NHS: variants seen among roughly 807,000 people sequenced by gnomAD.
NHS encodes the protein actin remodeling regulator NHS.
A neutral mutation model predicts 72.5 loss-of-function variants in NHS; 5 were observed. That is an observed-to-expected ratio of 0.07 (90% CI 0.04 to 0.14). NHS has a LOEUF of 0.14. Ranked by LOEUF, NHS falls within the 10% of genes least tolerant of loss-of-function variation. The pLI is 1.00. For missense variants in NHS, 1,072 were observed against 1,355.7 expected (o/e 0.79, Z 3.29); for synonymous variants, 464 against 547.7 (o/e 0.85, Z 2.13).
intron 1 of NHS, among the ~76,000 whole-genome samples, chrX:17,447,407 C>T (rs748392451): frequency 1.0e-4 from 11 of 106,925 alleles, no homozygotes; most frequent in African/African-American, 3.8e-4. Flanking sequence ...TTTTTTTTTT[C>T]CCCCCTCTTT....
intron 1 of NHS, among the ~76,000 whole-genome samples, chrX:17,430,259 T>TTTTCTCTCTTTCTTTCTTTC (rs2064683590): frequency 1.9e-5 from 1 of 51,570 alleles, no homozygotes; most frequent in Non-Finnish European, 3.4e-5. Flanking sequence ...CCCTCTTTCT[T>TTTTCTCTCTTTCTTTCTTTC]TTTCTTTCTT....
chrX:17,474,712 G>T (rs887968644), intron 1 of NHS, among the ~76,000 whole-genome samples: 2 of 112,019 alleles, frequency 1.8e-5, no homozygotes, highest in African/African-American at 6.5e-5. Context: ...GCTTGGGTGA[G>T]GCAGCTCCTT....
In NHS at chrX:17,476,850, A is replaced by T. The variant is rs147263031; in HGVS notation, c.565+100528A>T. On this transcript the variant is annotated intron_variant, in intron 1 of 8. Coordinates refer to ENST00000676302, the MANE Select transcript of NHS (RefSeq NM_001291867.2). ...ACCTTCTACAGTCCTGGTTCAGGAA[A>T]ATTAGCCCGTAGGCTCAGAGATGCA... 6.6e-3 allele frequency among the ~76,000 whole-genome samples: 735 copies of T among 112,007 alleles called. 10 individuals are homozygous for T. The highest frequency in any genetic ancestry group is 0.023 in the African/African-American group (703 of 30,850).
At chrX:17,602,832 CA>C (rs1178740410) in intron 1 of NHS, among the ~76,000 whole-genome samples, 2 of 92,737 alleles carry the variant, frequency 2.2e-5, no homozygotes, top group African/African-American at 9.0e-5. Flanking sequence ...GGCACAACTA[CA>C]ATTTTTTTTT....
rs1324191392 is a variant in NHS at position 17,728,852 on chromosome X, G to A, written c.4349+77G>A. The A allele has an allele frequency of 6.5e-5, 74 of 1,131,279 alleles. No homozygotes were observed. The East Asian group carries it at 1.5e-3, about 23-fold the overall frequency. 93.2% of individuals were successfully genotyped at this position (1,131,279 alleles called of 1,213,427 possible). On this transcript the variant is annotated intron_variant, in intron 8 of 8. Coordinates refer to ENST00000676302, the MANE Select transcript of NHS (RefSeq NM_001291867.2). ...GCCCCTTCAGGTACTTCTCACAAATGCAAATACAGGAAAGCTTTTTGTAAT... is the reference window on the plus strand; with the variant it reads ...GCCCCTTCAGGTACTTCTCACAAATACAAATACAGGAAAGCTTTTTGTAAT...
At chrX:17,659,652 T>C (rs1164965391) in intron 1 of NHS, among the ~76,000 whole-genome samples, 2 of 112,112 alleles carry the variant, frequency 1.8e-5, no homozygotes, top group African/African-American at 6.5e-5. Flanking sequence ...TGTGTAGTCA[T>C]TAAAAGTGAC....
At chrX:17,557,170 A>G (rs1039463868) in intron 1 of NHS, 2 of 104,280 alleles carry the variant, frequency 1.9e-5, no homozygotes, top group African/African-American at 7.1e-5. Context: ...CTTTCTCTAA[A>G]GACAGAGAAG....
chrX:17,545,418 G>A (rs996011015), intron 1 of NHS, among the ~76,000 whole-genome samples: 6 of 111,987 alleles, frequency 5.4e-5, no homozygotes, highest in Admixed American at 9.5e-5. Context: ...CCGTTGGATC[G>A]TCTATACCTG....
At chrX:17,393,551 C>G (rs990884483) in intron 1 of NHS, among the ~76,000 whole-genome samples, 13 of 112,577 alleles carry the variant, frequency 1.2e-4, no homozygotes, top group African/African-American at 3.9e-4. Flanking sequence ...ACTGCTTCAG[C>G]TCTTCCTCTG....
chrX:17,671,554 G>C (rs1243071086), intron 1 of NHS, among the ~76,000 whole-genome samples: 1 of 112,580 alleles, frequency 8.9e-6, no homozygotes, highest in Admixed American at 9.4e-5. Flanking sequence ...TTAGTTCATA[G>C]AGGAAGCATT....
intron 1 of NHS, among the ~76,000 whole-genome samples, chrX:17,411,704 A>C (rs921263767): frequency 8.9e-6 from 1 of 111,966 alleles, no homozygotes; most frequent in Non-Finnish European, 1.9e-5. Flanking sequence ...ATAGAGGAAA[A>C]AATGAAATAT....
intron 1 of NHS, among the ~76,000 whole-genome samples, chrX:17,612,047 T>C (rs7067100): frequency 0.24 from 24,679 of 103,050 alleles, 7,150 homozygotes; most frequent in African/African-American, 0.79. Flanking sequence ...GATTGCCCCC[T>C]ACACCCCCAG....
chrX:17,549,281 A>G (rs1260635005), intron 1 of NHS, among the ~76,000 whole-genome samples: 1 of 110,926 alleles, frequency 9.0e-6, no homozygotes, highest in Admixed American at 9.6e-5. Flanking sequence ...TGTGGAAGGC[A>G]ACAAGCACTG....
chrX:17,534,385 A>G (rs1370531583), intron 1 of NHS, among the ~76,000 whole-genome samples: 1 of 111,123 alleles, frequency 9.0e-6, no homozygotes, highest in Non-Finnish European at 1.9e-5. Context: ...CCCCAGGCCT[A>G]TAGCTACCTT....
intron 1 of NHS, among the ~76,000 whole-genome samples, chrX:17,610,574 T>G (rs776331283): frequency 1.2e-4 from 14 of 112,034 alleles, no homozygotes; most frequent in Non-Finnish European, 2.3e-4. Context: ...GCTGCCATTA[T>G]GAAGACTTAA....
In NHS at chrX:17,410,942, T is replaced by C. The variant is rs191912409; in HGVS notation, c.565+34620T>C. Among the ~76,000 whole-genome samples the C allele has an allele frequency of 1.6e-4, 18 of 111,427 alleles. No homozygotes were observed. The East Asian group carries it at 4.5e-3, about 28-fold the overall frequency. On this transcript the variant is annotated intron_variant, in intron 1 of 8. Transcript: ENST00000676302. The stretch of plus-strand genomic sequence containing the variant: ...TCTTTGTGTGAAACTTAGAAAGCAG[T>C]GTGGTGTGGGTGGAGATACGTCCAA...
intron 1 of NHS, among the ~76,000 whole-genome samples, chrX:17,496,654 A>G (rs2065013907): frequency 9.0e-6 from 1 of 111,469 alleles, no homozygotes; most frequent in African/African-American, 3.3e-5. Context: ...TGATAGACCC[A>G]AAGGACTAGA....
At chrX:17,470,021 A>G (rs1202990555) in intron 1 of NHS, among the ~76,000 whole-genome samples, 1 of 111,143 alleles carries the variant, frequency 9.0e-6, no homozygotes, top group East Asian at 2.8e-4. Flanking sequence ...TCACTTGAGA[A>G]AGGGGCAAGC....
At chrX:17,408,514 C>G (rs2064540533) in intron 1 of NHS, among the ~76,000 whole-genome samples, 1 of 111,272 alleles carries the variant, frequency 9.0e-6, no homozygotes. Flanking sequence ...TTTGTGTCCC[C>G]AGCCCCATCC....
Sources: gnomAD v4.1 joint callset for allele counts (sites outside exome capture counted in the v4.1 genomes callset) on GRCh38, gnomAD v4.1.1 for gene constraint, MANE v1.5 for transcripts, NCBI Gene and HGNC (gene_info 2026-07-23, HGNC 2026-07-21) for gene names.